PAK5: variants seen among roughly 807,000 people sequenced by gnomAD.
The protein encoded by PAK5 is p21 (RAC1) activated kinase 5, also known as serine/threonine-protein kinase PAK 5.
A neutral mutation model predicts 65.9 loss-of-function variants in PAK5; 16 were observed. The observed-to-expected ratio is 0.24, with a 90% CI of 0.16 to 0.37. The LOEUF (loss-of-function observed/expected upper bound fraction) is 0.37. Ranked by LOEUF, PAK5 falls within the 10% of genes least tolerant of loss-of-function variation. The pLI is 1.00. For synonymous variants in PAK5, 371 were observed against 354.9 expected (o/e 1.05, Z -0.51); for missense variants, 785 against 903.9 (o/e 0.87, Z 1.69).
chr20:9,698,246 C>A (rs907803422), intron 2 of PAK5, among the ~76,000 whole-genome samples: 1 of 151,994 alleles, frequency 6.6e-6, no homozygotes, highest in Non-Finnish European at 1.5e-5. Flanking sequence ...CACATGATTT[C>A]CTTTGATGTT....
At chr20:9,546,420 G>T (rs1173511680) in intron 7 of PAK5, among the ~76,000 whole-genome samples, 1 of 151,980 alleles carries the variant, frequency 6.6e-6, no homozygotes, top group Non-Finnish European at 1.5e-5. Flanking sequence ...CACACTTTAG[G>T]TTTATCATGT....
At chr20:9,637,300 G>GA (rs1392711405) in intron 3 of PAK5, among the ~76,000 whole-genome samples, 3 of 152,052 alleles carry the variant, frequency 2.0e-5, no homozygotes, top group Non-Finnish European at 4.4e-5. Flanking sequence ...GCCCACCCAA[G>GA]AAAATTTAAA....
intron 1 of PAK5, among the ~76,000 whole-genome samples, chr20:9,760,896 A>T (rs2048692541): frequency 6.6e-6 from 1 of 151,882 alleles, no homozygotes. Flanking sequence ...CTGGTCTCAA[A>T]CTCCTGACCT....
intron 1 of PAK5, among the ~76,000 whole-genome samples, chr20:9,800,426 T>C (rs1352613012): frequency 6.6e-6 from 1 of 152,168 alleles, no homozygotes; most frequent in Non-Finnish European, 1.5e-5. Context: ...TGACCATTTA[T>C]TGTGGCATTT....
chr20:9,708,700 T>C (rs12481219), intron 2 of PAK5, among the ~76,000 whole-genome samples: 51,941 of 151,946 alleles, frequency 0.34, 9,691 homozygotes, highest in South Asian at 0.51. Context: ...GTTTTCTTGG[T>C]CTACATGTAT....
At chr20:9,540,707 G>T (rs1005701855) in intron 9 of PAK5, among the ~76,000 whole-genome samples, 1 of 150,940 alleles carries the variant, frequency 6.6e-6, no homozygotes, top group Non-Finnish European at 1.5e-5. Context: ...CTGGGTGTGA[G>T]ACTACTTTCA....
intron 3 of PAK5, among the ~76,000 whole-genome samples, chr20:9,595,005 A>G (rs2046237612): frequency 1.3e-5 from 2 of 151,944 alleles, no homozygotes; most frequent in African/African-American, 4.8e-5. Flanking sequence ...ACATATACAC[A>G]TACATTTAGA....
At chr20:9,742,582 C>A (rs1422324665) in intron 1 of PAK5, among the ~76,000 whole-genome samples, 1 of 152,162 alleles carries the variant, frequency 6.6e-6, no homozygotes, top group African/African-American at 2.4e-5. Flanking sequence ...CACTCACAAC[C>A]TTTGCTGTTA....
rs1238797946 is a variant in PAK5 at position 9,661,273 on chromosome 20, A to T, written c.-11-16934T>A. On this transcript the variant is annotated intron_variant, in intron 2 of 9. Transcript: ENST00000353224. Reference sequence around the variant, plus strand: ...GGGGCTCAGAAACTAATACCCCAAAATATGGCATTTTGACATGCTGAACTG... The same window carrying T: ...GGGGCTCAGAAACTAATACCCCAAATTATGGCATTTTGACATGCTGAACTG... Among the ~76,000 whole-genome samples, 4 of 152,292 alleles carry T rather than the reference A, an allele frequency of 2.6e-5. No individual in the cohort carries two copies. The Middle Eastern group carries it at 0.01, about 389-fold the overall frequency.
chr20:9,823,817 G>T (rs185123724), intron 1 of PAK5, among the ~76,000 whole-genome samples: 1 of 74,908 alleles, frequency 1.3e-5, no homozygotes, highest in Admixed American at 1.7e-4. Context: ...GTCTGTTTCT[G>T]GGGGGGAAAT....
intron 6 of PAK5, among the ~76,000 whole-genome samples, chr20:9,561,612 C>T (rs1251931695): frequency 6.6e-6 from 1 of 152,098 alleles, no homozygotes; most frequent in Non-Finnish European, 1.5e-5. Context: ...CATCTCATTT[C>T]AGTGGAGAAA....
At chr20:9,766,401 CAAGCAGAATATA>C (rs2048763722) in intron 1 of PAK5, among the ~76,000 whole-genome samples, 10 of 42,520 alleles carry the variant, frequency 2.4e-4, no homozygotes, top group African/African-American at 7.7e-4. Context: ...TATATATATT[CAAGCAGAATATA>C]TATGTATATA....
intron 2 of PAK5, among the ~76,000 whole-genome samples, chr20:9,687,979 A>G (rs1279864511): frequency 6.6e-6 from 1 of 151,904 alleles, no homozygotes; most frequent in East Asian, 1.9e-4. Context: ...TGCTGGGTCC[A>G]GGAAGGCTCT....
chr20:9,641,706 G>A (rs1360685449), intron 3 of PAK5, among the ~76,000 whole-genome samples: 2 of 152,058 alleles, frequency 1.3e-5, no homozygotes, highest in Admixed American at 1.3e-4. Context: ...CTCAGGCATG[G>A]CGGGCTGCAG....
chr20:9,551,327 A>G (rs1209898210), intron 7 of PAK5, among the ~76,000 whole-genome samples: 2 of 152,238 alleles, frequency 1.3e-5, no homozygotes, highest in African/African-American at 2.4e-5. Flanking sequence ...TAATGCAGTT[A>G]GGCTAAGAGA....
chr20:9,732,673 C>T (rs1283196954), intron 1 of PAK5, among the ~76,000 whole-genome samples: 3 of 152,222 alleles, frequency 2.0e-5, no homozygotes, highest in South Asian at 2.1e-4. Context: ...AACTGTCTAC[C>T]CAAGGGCTAT....
At chr20:9,577,252 TCATAA>T (rs1405466230) in intron 4 of PAK5, 2 of 143,474 alleles carry the variant, frequency 1.4e-5, no homozygotes, top group Admixed American at 1.4e-4. Context: ...ATCAACAAAC[TCATAA>T]CATTCTTGAT....
intron 2 of PAK5, among the ~76,000 whole-genome samples, chr20:9,687,888 T>G (rs1346843888): frequency 2.2e-5 from 2 of 91,354 alleles, no homozygotes; most frequent in African/African-American, 4.4e-5. Context: ...GAGAGGGAGG[T>G]GTGTGTGTGT....
chr20:9,562,604 G>A (rs1193058481), intron 6 of PAK5, among the ~76,000 whole-genome samples: 3 of 152,230 alleles, frequency 2.0e-5, no homozygotes, highest in Middle Eastern at 3.4e-3. Context: ...CTATATAGGC[G>A]ACAGGACATT....
Sources: allele counts gnomAD v4.1 joint callset (sites outside exome capture counted in the v4.1 genomes callset), GRCh38; gene constraint gnomAD v4.1.1; transcripts MANE v1.5; gene names NCBI Gene and HGNC (gene_info 2026-07-23, HGNC 2026-07-21).